The following CSMD1 variants were observed in gnomAD, a reference collection of about 807,000 sequenced individuals.
The protein encoded by CSMD1 is CUB and Sushi multiple domains 1, also known as CUB and sushi domain-containing protein 1.
A neutral mutation model predicts 417.5 loss-of-function variants in CSMD1; 213 were observed. The observed-to-expected ratio is 0.51, with a 90% CI of 0.46 to 0.57. The LOEUF (loss-of-function observed/expected upper bound fraction) is 0.57, where lower values mean the gene tolerates loss of function less well. CSMD1 is among the 20% of genes least tolerant of loss of function. CSMD1 has a pLI of 0.00. For missense variants in CSMD1, 6,923 were observed against 4,529.7 expected (o/e 1.53, Z -15.17); for synonymous variants, 2,862 against 1,736.8 (o/e 1.65, Z -16.11).
chr8:3,156,119 C>T (rs1819512892), intron 39 of CSMD1, among the ~76,000 whole-genome samples: 1 of 152,214 alleles, frequency 6.6e-6, no homozygotes, highest in Admixed American at 6.5e-5. Flanking sequence ...GCTCCCAGGA[C>T]AATTTTAAGG....
intron 26 of CSMD1, among the ~76,000 whole-genome samples, chr8:3,266,438 T>G (rs1801437738): frequency 6.6e-6 from 1 of 151,316 alleles, no homozygotes; most frequent in Non-Finnish European, 1.5e-5. Context: ...AAACCCCATT[T>G]CTATGAAAAA....
intron 2 of CSMD1, among the ~76,000 whole-genome samples, chr8:4,576,333 C>T (rs1399236752): frequency 6.6e-6 from 1 of 152,230 alleles, no homozygotes; most frequent in African/African-American, 2.4e-5. Flanking sequence ...CTCCTGGCTT[C>T]TCTCCTGCTC....
intron 5 of CSMD1, among the ~76,000 whole-genome samples, chr8:3,985,934 T>TG (rs1233355012): frequency 3.2e-5 from 1 of 31,456 alleles, no homozygotes; most frequent in Non-Finnish European, 7.2e-5. Context: ...CATAACTCAA[T>TG]TTTTTTTTCT....
chr8:4,241,187 TC>T (rs1802376724), intron 3 of CSMD1, among the ~76,000 whole-genome samples: 2 of 152,128 alleles, frequency 1.3e-5, no homozygotes, highest in Admixed American at 6.5e-5. Context: ...GATCGTGAAC[TC>T]TCCAGTCAAA....
At chr8:4,419,263 T>A (rs1413455671) in intron 3 of CSMD1, among the ~76,000 whole-genome samples, 1 of 152,134 alleles carries the variant, frequency 6.6e-6, no homozygotes, top group South Asian at 2.1e-4. Flanking sequence ...ATTTAAAATC[T>A]CCATCCAAAA....
chr8:4,801,623 C>G (rs1332081091), intron 1 of CSMD1, among the ~76,000 whole-genome samples: 1 of 152,034 alleles, frequency 6.6e-6, no homozygotes, highest in Non-Finnish European at 1.5e-5. Context: ...TTGACACACT[C>G]TGGATTCTGA....
intron 2 of CSMD1, among the ~76,000 whole-genome samples, chr8:4,633,267 G>T (rs548499532): frequency 5.1e-4 from 77 of 151,174 alleles, no homozygotes; most frequent in African/African-American, 1.7e-3. Context: ...GTTTTTTTTT[G>T]ATGGAGTTTC....
intron 6 of CSMD1, among the ~76,000 whole-genome samples, chr8:3,750,287 GTTC>G (rs1196167820): frequency 6.6e-6 from 1 of 150,710 alleles, no homozygotes; most frequent in African/African-American, 2.4e-5. Context: ...AAAAATGTAT[GTTC>G]TTTTTAAAAT....
At chr8:3,704,384 G>T (rs1801048620) in intron 7 of CSMD1, among the ~76,000 whole-genome samples, 1 of 152,174 alleles carries the variant, frequency 6.6e-6, no homozygotes, top group African/African-American at 2.4e-5. Context: ...CTCACACAGG[G>T]AGGAGGGGGC....
intron 10 of CSMD1, among the ~76,000 whole-genome samples, chr8:3,565,130 G>A (rs1453512008): frequency 1.2e-3 from 2 of 1,672 alleles, no homozygotes; most frequent in East Asian, 0.015. Flanking sequence ...GTGCAAGACA[G>A]CAAAAAAAAA....
At chr8:4,226,946 C>T (rs926212642) in intron 3 of CSMD1, among the ~76,000 whole-genome samples, 1 of 152,118 alleles carries the variant, frequency 6.6e-6, no homozygotes, top group African/African-American at 2.4e-5. Flanking sequence ...CATAAGGCTG[C>T]TTAACAGTTT....
At chr8:2,949,171 A>G (rs1802450823) in intron 68 of CSMD1, 128 bp downstream of exon 68, 2 of 587,760 alleles carry the variant, frequency 3.4e-6, no homozygotes, top group Non-Finnish European at 6.0e-6. Flanking sequence ...CAGCTGTAAA[A>G]TATGTTAGTC....
chr8:3,490,188 G>C (rs1465514512), intron 11 of CSMD1, among the ~76,000 whole-genome samples: 1 of 152,152 alleles, frequency 6.6e-6, no homozygotes, highest in African/African-American at 2.4e-5. Flanking sequence ...TTCTGCAGCT[G>C]ATTAAATGCC....
chr8:4,054,636 A>C (rs1053602467), intron 3 of CSMD1, among the ~76,000 whole-genome samples: 3 of 152,130 alleles, frequency 2.0e-5, no homozygotes, highest in African/African-American at 7.2e-5. Context: ...TGTAAAACAC[A>C]TAGGTAATGA....
At chr8:4,925,469 T>C (rs1461346186) in intron 1 of CSMD1, among the ~76,000 whole-genome samples, 1 of 152,098 alleles carries the variant, frequency 6.6e-6, no homozygotes, top group Non-Finnish European at 1.5e-5. Flanking sequence ...CCATAAAATA[T>C]TTAAAACTCA....
At chr8:3,918,819 C>G (rs1362422730) in intron 5 of CSMD1, among the ~76,000 whole-genome samples, 2 of 151,952 alleles carry the variant, frequency 1.3e-5, no homozygotes, top group Non-Finnish European at 2.9e-5. Context: ...AAATGGGAGC[C>G]AAACTATGAG....
At chr8:4,074,064 G>C (rs1799697902) in intron 3 of CSMD1, among the ~76,000 whole-genome samples, 1 of 151,916 alleles carries the variant, frequency 6.6e-6, no homozygotes, top group African/African-American at 2.4e-5. Flanking sequence ...TTATAATATT[G>C]ATATGGAATA....
intron 1 of CSMD1, among the ~76,000 whole-genome samples, chr8:4,778,428 G>C (rs1796982598): frequency 6.6e-6 from 1 of 152,098 alleles, no homozygotes; most frequent in South Asian, 2.1e-4. Context: ...GTGGTAATTT[G>C]AAGTACCTGG....
rs181383442 is a variant in CSMD1, at chr8:4,724,485, T to C, written c.86-86927A>G. On this transcript the variant is annotated intron_variant, in intron 1 of 69. Coordinates refer to ENST00000635120, the MANE Select transcript of CSMD1 (RefSeq NM_033225.6). ...CTTATAAGTAGCTGGGAGTTCATCT[T>C]TATAAGTACTAATATAGTAGCTCTT... Among the ~76,000 whole-genome samples, 752 of 151,550 alleles carry C rather than the reference T, an allele frequency of 5.0e-3. 2 individuals carry two copies. Among genetic ancestry groups the C allele is most frequent in the Non-Finnish European group, 7.7e-3 (522 of 67,844 alleles).
Sources: allele counts gnomAD v4.1 joint callset (sites outside exome capture counted in the v4.1 genomes callset), GRCh38; gene constraint gnomAD v4.1.1; transcripts MANE v1.5; gene names NCBI Gene and HGNC (gene_info 2026-07-23, HGNC 2026-07-21).